PCDHA13: variants seen among roughly 807,000 people sequenced by gnomAD.
PCDHA13 encodes the protein protocadherin alpha-13.
A neutral mutation model predicts 64.8 loss-of-function variants in PCDHA13; 54 were observed. That is an observed-to-expected ratio of 0.83 (90% confidence interval 0.67 to 1.04). The LOEUF (loss-of-function observed/expected upper bound fraction) is 1.04. Ranked by LOEUF, PCDHA13 falls within the 50% of genes least tolerant of loss-of-function variation. The pLI, the probability that PCDHA13 is intolerant of heterozygous loss-of-function variation, is 0.00. For synonymous variants in PCDHA13, 587 were observed against 564.4 expected (o/e 1.04, Z -0.57); for missense variants, 1,248 against 1,254.3 (o/e 0.99, Z 0.08).
chr5:140,967,810 C>T, intron 1 of PCDHA13: 1 of 1,614,176 alleles, frequency 6.2e-7, no homozygotes, highest in Non-Finnish European at 8.5e-7. Context: ...TGGCAGGTCA[C>T]TGCAAGGTGC....
chr5:140,943,276 AAG>A (rs1491082610), intron 1 of PCDHA13, among the ~76,000 whole-genome samples: 3,151 of 135,552 alleles, frequency 0.023, 213 homozygotes, highest in African/African-American at 0.087. Flanking sequence ...AAAAAAAAAA[AAG>A]AAAGAAAGAA....
chr5:140,919,231 C>T (rs984376374), intron 1 of PCDHA13, among the ~76,000 whole-genome samples: 1 of 152,160 alleles, frequency 6.6e-6, no homozygotes, highest in Admixed American at 6.6e-5. Context: ...TCTAGTAACA[C>T]TTTTTGTCTT....
intron 3 of PCDHA13, among the ~76,000 whole-genome samples, chr5:141,002,107 C>T (rs991036721): frequency 6.6e-6 from 1 of 152,246 alleles, no homozygotes. Context: ...GGGCCGGAAA[C>T]GGCTATAATC....
In PCDHA13 at chr5:140,955,830, T is replaced by G. The variant is rs564870909; in HGVS notation, c.2395-23119T>G. Among the ~76,000 whole-genome samples, 9 of 152,318 alleles carry G rather than the reference T, an allele frequency of 5.9e-5. No individual in the cohort carries two copies. The South Asian group carries it at 1.9e-3, about 32-fold the overall frequency. Reference sequence around the variant, plus strand: ...TGTCCACTGTGATTTCCTTGAGCAGTGGTTTGTCATTCTCCTTGAAGAGGT... The same window carrying G: ...TGTCCACTGTGATTTCCTTGAGCAGGGGTTTGTCATTCTCCTTGAAGAGGT... On this transcript the variant is annotated intron_variant, in intron 1 of 3. Coordinates refer to ENST00000289272, the MANE Select transcript of PCDHA13 (RefSeq NM_018904.3).
Position 140,883,843 on chromosome 5 carries a change from C to G in PCDHA13, c.1575C>G (p.His525Gln). The G allele has an allele frequency of 6.2e-7, 1 of 1,612,786 alleles. No individual in the cohort carries two copies. Among genetic ancestry groups the G allele is most frequent in the Non-Finnish European group, 8.5e-7 (1 of 1,179,840 alleles). The part of the protein sequence containing the change: ...GKVYALQPLD[H>Q]EELELLQFQV... ...TGTACGCGCTGCAGCCGTTGGACCA[C>G]GAGGAGCTGGAGCTGTTGCAGTTCC... Residue 525 changes from histidine (H) to glutamine (Q), a missense_variant, in exon 1 of 4, where the codon CAC (histidine) becomes CAG (glutamine). Coordinates refer to ENST00000289272, the MANE Select transcript of PCDHA13 (RefSeq NM_018904.3).
At chr5:140,899,795 G>A (rs551068307) in intron 1 of PCDHA13, among the ~76,000 whole-genome samples, 59 of 152,222 alleles carry the variant, frequency 3.9e-4, no homozygotes, top group Non-Finnish European at 7.5e-4. Flanking sequence ...ATTCGGCTGT[G>A]AATCCAATAT....
In PCDHA13 at chr5:140,883,182, A is replaced by G. The variant is rs2059477264; in HGVS notation, c.914A>G (p.Lys305Arg). 1 of 1,614,024 alleles carries G rather than the reference A, an allele frequency of 6.2e-7. No homozygotes were observed. The highest frequency in any genetic ancestry group is 8.5e-7 in the Non-Finnish European group (1 of 1,180,030). Residue 305 changes from lysine (K) to arginine (R), a missense_variant, in exon 1 of 4, where the codon AAA (lysine) becomes AGA (arginine). Physicochemically the swap from Lys to Arg is conservative, Grantham distance 26 (BLOSUM62 2). Coordinates refer to ENST00000289272, the MANE Select transcript of PCDHA13 (RefSeq NM_018904.3). Reference protein sequence around the residue: ...INPNNGEIRTKGKLDFEEKKL... With the variant: ...INPNNGEIRTRGKLDFEEKKL... ...CCGAACAATGGAGAAATTAGGACAA[A>G]AGGCAAACTAGATTTCGAAGAAAAG...
intron 1 of PCDHA13, among the ~76,000 whole-genome samples, chr5:140,885,674 C>A (rs1041500524): frequency 2.1e-4 from 32 of 152,192 alleles, no homozygotes; most frequent in African/African-American, 7.0e-4. Flanking sequence ...AGCACTCTTT[C>A]TATCTCAAGA....
chr5:140,961,007 T>C (rs2095583572), intron 1 of PCDHA13, among the ~76,000 whole-genome samples: 1 of 152,230 alleles, frequency 6.6e-6, no homozygotes, highest in Non-Finnish European at 1.5e-5. Context: ...GCTGCTGGAC[T>C]GCATGGACAC....
At chr5:140,976,310 G>A (rs1216220776) in intron 1 of PCDHA13, among the ~76,000 whole-genome samples, 1 of 152,036 alleles carries the variant, frequency 6.6e-6, no homozygotes, top group African/African-American at 2.4e-5. Context: ...CAGCACTTTG[G>A]GAGGCCGAGG....
At chr5:141,006,741 A>G (rs1275777013) in intron 3 of PCDHA13, among the ~76,000 whole-genome samples, 2 of 152,208 alleles carry the variant, frequency 1.3e-5, no homozygotes, top group Non-Finnish European at 2.9e-5. Flanking sequence ...TTGATGATGT[A>G]TTATAAATGG....
rs148820707 is a variant in PCDHA13, at chr5:140,954,545, G to A, written c.2395-24404G>A. ...AGTGATGTTGAGGTTTTTTTCATAT[G>A]TTTGTTGGCTGCATGACTGTCTTCT... On this transcript the variant is annotated intron_variant, in intron 1 of 3. Coordinates refer to ENST00000289272, the MANE Select transcript of PCDHA13 (RefSeq NM_018904.3). 4.6e-3 allele frequency among the ~76,000 whole-genome samples: 702 copies of A among 152,204 alleles called. 2 individuals are homozygous for A. The highest frequency in any genetic ancestry group is 0.016 in the African/African-American group (679 of 41,554).
At chr5:140,966,360 A>T (rs1169207709) in intron 1 of PCDHA13, 1 of 400,440 alleles carries the variant, frequency 2.5e-6, no homozygotes, top group Non-Finnish European at 4.4e-6. Flanking sequence ...ATGGGGCTGG[A>T]GAGGCTGAGC....
At chr5:140,990,742 G>A (rs947618929) in intron 3 of PCDHA13, among the ~76,000 whole-genome samples, 2 of 152,176 alleles carry the variant, frequency 1.3e-5, no homozygotes, top group African/African-American at 4.8e-5. Context: ...CAGCCCTAGG[G>A]TGGATACCTT....
At chr5:140,975,523 A>T (rs1275717294) in intron 1 of PCDHA13, among the ~76,000 whole-genome samples, 1 of 152,196 alleles carries the variant, frequency 6.6e-6, no homozygotes, top group African/African-American at 2.4e-5. Flanking sequence ...TCTGCAGTGG[A>T]TATATTCTTA....
intron 1 of PCDHA13, chr5:140,967,630 C>T (rs1278035224): frequency 3.7e-6 from 6 of 1,613,982 alleles, no homozygotes; most frequent in Non-Finnish European, 5.1e-6. Context: ...ATGAGGGCTC[C>T]AATGGTGAGC....
At chr5:140,993,431 C>T (rs1171497178) in intron 3 of PCDHA13, among the ~76,000 whole-genome samples, 1 of 149,406 alleles carries the variant, frequency 6.7e-6, no homozygotes, top group African/African-American at 2.5e-5. Context: ...TTTTAAAATC[C>T]TTATTCATTC....
chr5:140,991,433 T>G (rs1441155854), intron 3 of PCDHA13, among the ~76,000 whole-genome samples: 1 of 152,194 alleles, frequency 6.6e-6, no homozygotes, highest in Non-Finnish European at 1.5e-5. Context: ...AACCATAAAC[T>G]TCATGGCTTA....
At position 140,982,478 on chromosome 5, in the gene PCDHA13, T is replaced by C; in HGVS notation, c.2457T>C (p.Ser819=). ...CTGGGTCTGTGTGTTTATTCAGCTCTGTGCACCTAGAGGAGGCTGGCATTC... is the reference window on the plus strand; with the variant it reads ...CTGGGTCTGTGTGTTTATTCAGCTCCGTGCACCTAGAGGAGGCTGGCATTC... ...SASLRAGMHS[S]VHLEEAGILR... Residue 819 remains serine (S), a synonymous_variant, in exon 3 of 4, where the codon TCT becomes TCC. Coordinates refer to ENST00000289272, the MANE Select transcript of PCDHA13 (RefSeq NM_018904.3). 1 of 1,614,192 alleles carries C rather than the reference T, an allele frequency of 6.2e-7. No individual in the cohort carries two copies. The highest frequency in any genetic ancestry group is 2.2e-5 in the East Asian group (1 of 44,884).
Sources: gnomAD v4.1 joint callset for allele counts (sites outside exome capture counted in the v4.1 genomes callset) on GRCh38, gnomAD v4.1.1 for gene constraint, MANE v1.5 for transcripts, NCBI Gene and HGNC (gene_info 2026-07-23, HGNC 2026-07-21) for gene names.